The following KCNQ1 variants were observed in gnomAD, a reference collection of about 807,000 sequenced individuals.
The protein encoded by KCNQ1 is potassium voltage-gated channel subfamily KQT member 1.
A neutral mutation model predicts 72.4 loss-of-function variants in KCNQ1; 49 were observed. The ratio of observed to expected loss-of-function variants is 0.68; its 90% CI spans 0.54 to 0.86. The LOEUF is 0.86. KCNQ1 is among the 40% of genes least tolerant of loss of function. KCNQ1 has a pLI of 0.00. For missense variants in KCNQ1, 790 were observed against 945.1 expected (o/e 0.84, Z 2.15); for synonymous variants, 450 against 412.6 (o/e 1.09, Z -1.10).
intron 1 of KCNQ1, among the ~76,000 whole-genome samples, chr11:2,472,338 CTGTG>C (rs1186690283): frequency 3.4e-5 from 5 of 145,616 alleles, no homozygotes; most frequent in Non-Finnish European, 7.6e-5. Flanking sequence ...ACGTGCATGT[CTGTG>C]TGTGTTTGTG....
At chr11:2,632,894 C>A (rs1488890385) in intron 10 of KCNQ1, 1 of 398,290 alleles carries the variant, frequency 2.5e-6, no homozygotes, top group African/African-American at 2.1e-5. Context: ...ATGCAAATAT[C>A]TTTTTTATAT....
chr11:2,634,089 G>A (rs940752675), intron 10 of KCNQ1: 3 of 395,154 alleles, frequency 7.6e-6, no homozygotes, highest in Non-Finnish European at 1.3e-5. Context: ...TTCCATGCAA[G>A]TTTAAGGATT....
At chr11:2,757,976 A>T (rs1846331727) in intron 11 of KCNQ1, among the ~76,000 whole-genome samples, 1 of 152,136 alleles carries the variant, frequency 6.6e-6, no homozygotes, top group Admixed American at 6.5e-5. Context: ...AAAAACATAG[A>T]GGAGATAGTA....
rs1161249310 is a variant in KCNQ1, at chr11:2,483,535, T to C, written c.386+38051T>C. On this transcript the variant is annotated intron_variant, in intron 1 of 15. Coordinates refer to ENST00000155840, the MANE Select transcript of KCNQ1 (RefSeq NM_000218.3). The surrounding 1 kb of genome is among the most constrained non-coding windows in gnomAD (Gnocchi z 6.1). ...CGTTGCTTTCAGCTGCCAGGTCTCC[T>C]TTCGTGTCCTGCAGCCTGTGCCAGC... Among the ~76,000 whole-genome samples the C allele has an allele frequency of 6.6e-6, 1 of 152,196 alleles. No homozygotes were observed. Among genetic ancestry groups the C allele is most frequent in the East Asian group, 1.9e-4 (1 of 5,190 alleles).
rs1846815550 is a variant in KCNQ1, at chr11:2,781,104, C to A, written c.1794+3067C>A. On this transcript the variant is annotated intron_variant, in intron 15 of 15. Coordinates refer to ENST00000155840, the MANE Select transcript of KCNQ1 (RefSeq NM_000218.3). This position sits in a 1 kb window ranked among gnomAD's most constrained non-coding sequence, Gnocchi z 6.6. ...CCCTGTCAAATGAGAGGGTTTGACTCCTGCTTGTGTCCTTAGGGTCAAAAG... is the reference window on the plus strand; with the variant it reads ...CCCTGTCAAATGAGAGGGTTTGACTACTGCTTGTGTCCTTAGGGTCAAAAG... Among the ~76,000 whole-genome samples the A allele has an allele frequency of 6.6e-6, 1 of 152,108 alleles. No homozygotes were observed. Among genetic ancestry groups the A allele is most frequent in the African/African-American group, 2.4e-5 (1 of 41,426 alleles).
In KCNQ1 at chr11:2,759,946, C is replaced by T. The variant is rs1203457236; in HGVS notation, c.1515-8898C>T. 6.6e-6 allele frequency among the ~76,000 whole-genome samples: 1 copy of T among 152,220 alleles called. No homozygotes were observed. Among genetic ancestry groups the T allele is most frequent in the East Asian group, 1.9e-4 (1 of 5,192 alleles). ...CCCTACCCTGGGCCTCAGGATCTGC[C>T]TGGATGGAGGCCAGGCCGCTGAGCT... On this transcript the variant is annotated intron_variant, in intron 11 of 15. Transcript: ENST00000155840. The surrounding 1 kb of genome is among the most constrained non-coding windows in gnomAD (Gnocchi z 4.4).
intron 13 of KCNQ1, among the ~76,000 whole-genome samples, chr11:2,776,571 C>T (rs56021860): frequency 0.087 from 13,202 of 152,302 alleles, 669 homozygotes; most frequent in Middle Eastern, 0.15. Flanking sequence ...GCACCATCCT[C>T]CCGGGCCTGC....
chr11:2,570,480 A>C (rs1203199880), intron 2 of KCNQ1, 148 bp from the exon 3 acceptor site: 25 of 1,024,010 alleles, frequency 2.4e-5, no homozygotes, highest in Non-Finnish European at 3.1e-5. Context: ...AGGCATCACC[A>C]TCCGCAGCAG....
chr11:2,457,809 T>C lies in KCNQ1; in HGVS notation c.386+12325T>C, dbSNP rs1478602524. 6.8e-6 allele frequency among the ~76,000 whole-genome samples: 1 copy of C among 146,128 alleles called. No individual in the cohort carries two copies. The highest frequency in any genetic ancestry group is 1.5e-5 in the Non-Finnish European group (1 of 66,768). On this transcript the variant is annotated intron_variant, in intron 1 of 15. Coordinates refer to ENST00000155840, the MANE Select transcript of KCNQ1 (RefSeq NM_000218.3). The surrounding 1 kb of genome is among the most constrained non-coding windows in gnomAD (Gnocchi z 5.0). ...TTGAATAAAATGGAAACTTTTGGCATGGGAGAAAAAAAAAAAAAACAGATG... is the reference window on the plus strand; with the variant it reads ...TTGAATAAAATGGAAACTTTTGGCACGGGAGAAAAAAAAAAAAAACAGATG...
chr11:2,794,171 GGCT>G (rs1243288762), intron 15 of KCNQ1, among the ~76,000 whole-genome samples: 3 of 152,184 alleles, frequency 2.0e-5, no homozygotes, highest in South Asian at 2.1e-4. Context: ...AGTGGTGAGG[GGCT>G]GCTGTGGGAT....
At position 2,556,544 on chromosome 11, in the gene KCNQ1, G is replaced by T. The variant is rs568054208; in HGVS notation, c.478-14084G>T. 1.1e-4 allele frequency among the ~76,000 whole-genome samples: 16 copies of T among 152,278 alleles called. No homozygotes were observed. In the South Asian group the frequency reaches 3.1e-3, roughly 30 times the overall value. On this transcript the variant is annotated intron_variant, in intron 2 of 15. Coordinates refer to ENST00000155840, the MANE Select transcript of KCNQ1 (RefSeq NM_000218.3). ...TATAACAGCACAAAATTGTCTGCTG[G>T]AGTTGTTGCAACAGAAATCGCGTGG...
At chr11:2,737,403 C>T (rs1173941980) in intron 11 of KCNQ1, among the ~76,000 whole-genome samples, 1 of 152,184 alleles carries the variant, frequency 6.6e-6, no homozygotes, top group Non-Finnish European at 1.5e-5. Context: ...CCCAGACCCA[C>T]GGGGGCCCCT....
intron 1 of KCNQ1, among the ~76,000 whole-genome samples, chr11:2,518,967 G>A (rs1313013586): frequency 6.6e-6 from 1 of 152,298 alleles, no homozygotes; most frequent in East Asian, 1.9e-4. Context: ...GCGGGTGTGG[G>A]ATCACATCCA....
chr11:2,804,368 T>C (rs995839446), intron 15 of KCNQ1, among the ~76,000 whole-genome samples: 1 of 152,126 alleles, frequency 6.6e-6, no homozygotes. Flanking sequence ...AGAGCTGAGA[T>C]CTGAATGCAG....
At chr11:2,452,623 A>G (rs1191964793) in intron 1 of KCNQ1, among the ~76,000 whole-genome samples, 6 of 152,236 alleles carry the variant, frequency 3.9e-5, no homozygotes, top group African/African-American at 1.2e-4. Context: ...TGGGCTTGGC[A>G]TTCTATTCCG....
At chr11:2,728,776 C>T (rs887542222) in intron 11 of KCNQ1, among the ~76,000 whole-genome samples, 2 of 152,192 alleles carry the variant, frequency 1.3e-5, no homozygotes, top group Non-Finnish European at 2.9e-5. Context: ...CGGAGCAGAG[C>T]GTCCTCCTGG....
In KCNQ1 at chr11:2,759,458, G is replaced by A. The variant is rs1055561074; in HGVS notation, c.1515-9386G>A. Among the ~76,000 whole-genome samples, 2 of 152,186 alleles carry A rather than the reference G, an allele frequency of 1.3e-5. No individual in the cohort carries two copies. The highest frequency in any genetic ancestry group is 2.4e-5 in the African/African-American group (1 of 41,454). ...CCAGGGGATGTTCCTTCCCCAAGGC[G>A]CTGTGGCCACTTAGAGGGTCCCCCA... is the stretch of plus-strand genomic sequence containing the variant. On this transcript the variant is annotated intron_variant, in intron 11 of 15. Transcript: ENST00000155840. The surrounding 1 kb of genome is among the most constrained non-coding windows in gnomAD (Gnocchi z 4.4).
intron 2 of KCNQ1, among the ~76,000 whole-genome samples, chr11:2,570,064 T>C (rs934380180): frequency 6.6e-6 from 1 of 152,112 alleles, no homozygotes; most frequent in Non-Finnish European, 1.5e-5. Flanking sequence ...CTGGATCTGG[T>C]GGGAAAGTGC....
At chr11:2,842,757 C>T (rs1034576653) in intron 15 of KCNQ1, among the ~76,000 whole-genome samples, 2 of 152,192 alleles carry the variant, frequency 1.3e-5, no homozygotes, top group African/African-American at 4.8e-5. Flanking sequence ...ACTGTACGTG[C>T]ACTCTAGGAA....
Sources: gnomAD v4.1 joint callset for allele counts (sites outside exome capture counted in the v4.1 genomes callset) on GRCh38, gnomAD v4.1.1 for gene constraint, Gnocchi (gnomAD v3.1) non-coding constraint, MANE v1.5 for transcripts, NCBI Gene and HGNC (gene_info 2026-07-23, HGNC 2026-07-21) for gene names.